The following PLXDC2 variants were observed in gnomAD, a reference collection of about 807,000 sequenced individuals.
PLXDC2 encodes plexin domain-containing protein 2.
A neutral mutation model predicts 68.9 loss-of-function variants in PLXDC2; 40 were observed. The observed-to-expected ratio is 0.58, with a 90% CI of 0.45 to 0.76. The LOEUF (loss-of-function observed/expected upper bound fraction) is 0.76, where lower values mean the gene tolerates loss of function less well. Ranked by LOEUF, PLXDC2 falls within the 30% of genes least tolerant of loss-of-function variation. PLXDC2 has a pLI of 0.00. For missense variants in PLXDC2, 644 were observed against 661.9 expected (o/e 0.97, Z 0.30); for synonymous variants, 243 against 234.2 (o/e 1.04, Z -0.34).
chr10:20,233,018 G>A, intron 12 of PLXDC2, among the ~76,000 whole-genome samples: 1 of 151,936 alleles, frequency 6.6e-6, no homozygotes, highest in South Asian at 2.1e-4. Flanking sequence ...AAAGCCAAAT[G>A]ATAATAATAA....
In PLXDC2 at chr10:20,165,165, G is replaced by T. The variant is rs367826018; in HGVS notation, c.883+598G>T. Reference sequence around the variant, plus strand: ...TGGCAGATACAGTTCTTTTATTAATGAGAATGACATAAAACAGTGACAGAT... The same window carrying T: ...TGGCAGATACAGTTCTTTTATTAATTAGAATGACATAAAACAGTGACAGAT... On this transcript the variant is annotated intron_variant, in intron 7 of 13. Transcript: ENST00000377252. Among the ~76,000 whole-genome samples, 18 of 152,204 alleles carry T rather than the reference G, an allele frequency of 1.2e-4. No homozygotes were observed. The East Asian group carries it at 2.1e-3, about 18-fold the overall frequency.
At chr10:19,933,978 CT>C (rs1833683873) in intron 1 of PLXDC2, among the ~76,000 whole-genome samples, 1 of 151,978 alleles carries the variant, frequency 6.6e-6, no homozygotes, top group Non-Finnish European at 1.5e-5. Flanking sequence ...TCATTTTTTC[CT>C]TTTTGTCAAT....
chr10:19,954,886 C>A (rs765204528), intron 1 of PLXDC2, among the ~76,000 whole-genome samples: 22 of 152,088 alleles, frequency 1.4e-4, no homozygotes, highest in Non-Finnish European at 2.8e-4. Flanking sequence ...GCACTCTTGC[C>A]CCCCCATCCC....
chr10:19,937,380 A>C (rs1211635022), intron 1 of PLXDC2, among the ~76,000 whole-genome samples: 1 of 151,718 alleles, frequency 6.6e-6, no homozygotes, highest in Non-Finnish European at 1.5e-5. Context: ...ACCTGTACTC[A>C]ATTTTAAGGG....
chr10:20,062,126 G>C (rs1246436523), intron 3 of PLXDC2, among the ~76,000 whole-genome samples: 1 of 152,096 alleles, frequency 6.6e-6, no homozygotes, highest in African/African-American at 2.4e-5. Flanking sequence ...ACTTTAAAAG[G>C]CTTTAAAAGG....
intron 12 of PLXDC2, among the ~76,000 whole-genome samples, chr10:20,224,025 A>T (rs1296678773): frequency 6.9e-6 from 1 of 144,986 alleles, no homozygotes; most frequent in East Asian, 2.1e-4. Context: ...CCCAGGCTGG[A>T]GTGCAGTGGT....
intron 13 of PLXDC2, among the ~76,000 whole-genome samples, chr10:20,251,885 T>G (rs1174019599): frequency 1.3e-5 from 2 of 151,738 alleles, no homozygotes; most frequent in Non-Finnish European, 2.9e-5. Context: ...GATAAGAACC[T>G]CATGATAAAA....
At chr10:20,273,879 T>G (rs982961810) in intron 13 of PLXDC2, among the ~76,000 whole-genome samples, 2 of 151,854 alleles carry the variant, frequency 1.3e-5, no homozygotes, top group African/African-American at 4.8e-5. Context: ...CAAATAAAAG[T>G]TTAAAAAATA....
chr10:20,113,747 A>G (rs1833587197), intron 4 of PLXDC2, among the ~76,000 whole-genome samples: 1 of 152,286 alleles, frequency 6.6e-6, no homozygotes, highest in East Asian at 1.9e-4. Flanking sequence ...TGATTTTGCC[A>G]TGTACCCTTC....
intron 13 of PLXDC2, among the ~76,000 whole-genome samples, chr10:20,271,132 G>GACACACACAT (rs1835934557): frequency 1.0e-5 from 1 of 97,750 alleles, no homozygotes; most frequent in South Asian, 4.1e-4. Flanking sequence ...ACAAAAAACA[G>GACACACACAT]ACACACACAC....
At chr10:20,095,227 G>T (rs1244063109) in intron 4 of PLXDC2, among the ~76,000 whole-genome samples, 1 of 151,970 alleles carries the variant, frequency 6.6e-6, no homozygotes, top group East Asian at 1.9e-4. Flanking sequence ...TATGCTAAAA[G>T]CATGTCAGTT....
intron 6 of PLXDC2, among the ~76,000 whole-genome samples, chr10:20,152,501 A>G (rs1453000364): frequency 6.6e-6 from 1 of 152,144 alleles, no homozygotes; most frequent in Non-Finnish European, 1.5e-5. Context: ...AACTTCAAAG[A>G]TAGAGTTTGC....
chr10:20,225,982 T>A (rs11011889), intron 12 of PLXDC2, among the ~76,000 whole-genome samples: 67,762 of 152,082 alleles, frequency 0.45, 17,323 homozygotes, highest in Middle Eastern at 0.64. Context: ...CATTACATTT[T>A]TTACAAGCAC....
intron 1 of PLXDC2, among the ~76,000 whole-genome samples, chr10:19,922,968 CTT>C (rs1194510709): frequency 2.0e-5 from 3 of 152,034 alleles, no homozygotes; most frequent in Non-Finnish European, 4.4e-5. Context: ...AATTTTGAGA[CTT>C]TTGTGATTTC....
chr10:20,070,724 T>C (rs1432294211), intron 4 of PLXDC2: 5 of 152,194 alleles, frequency 3.3e-5, no homozygotes, highest in Admixed American at 6.5e-5. Context: ...CAGTGTTCTA[T>C]TGAATTTTTC....
At position 20,072,493 on chromosome 10, in the gene PLXDC2, GAGAAAGAAAGAA is replaced by G. The variant is rs55848042; in HGVS notation, c.541+4304_541+4315del. 1.2e-3 allele frequency among the ~76,000 whole-genome samples: 93 copies of G among 80,776 alleles called. 1 individual carries two copies. Among genetic ancestry groups the G allele is most frequent in the Middle Eastern group, 5.5e-3 (1 of 182 alleles). 53.0% of individuals were successfully genotyped at this position (80,776 alleles called of 152,430 possible). On this transcript the variant is annotated intron_variant, in intron 4 of 13. Transcript: ENST00000377252. ...AAGAAAGAAGGAACAAAGAAAGAAA[GAGAAAGAAAGAA>G]AGAAAGAAAGAAAGAAAGAAAGAAA...
intron 1 of PLXDC2, among the ~76,000 whole-genome samples, chr10:19,933,819 A>AAGGAGGGAAGGAAGGAAGGAGGGG (rs1833679837): frequency 7.5e-6 from 1 of 132,988 alleles, no homozygotes; most frequent in African/African-American, 2.7e-5. Context: ...GGAAAAAAGG[A>AAGGAGGGAAGGAAGGAAGGAGGGG]AGGAGGGAAG....
chr10:20,279,647 T>C (rs542455925), intron 13 of PLXDC2, 56 bp from the exon 14 acceptor site: 1 of 1,336,162 alleles, frequency 7.5e-7, no homozygotes, highest in African/African-American at 1.5e-5. Flanking sequence ...TAGATTTTTC[T>C]GGTGCTAGAA....
At chr10:20,172,230 GA>G (rs571463676) in intron 7 of PLXDC2, among the ~76,000 whole-genome samples, 135 of 110,592 alleles carry the variant, frequency 1.2e-3, no homozygotes, top group Middle Eastern at 4.8e-3. Flanking sequence ...TTGTGAAAAG[GA>G]AAAAAAAAAA....
Sources: gnomAD v4.1 joint callset for allele counts (sites outside exome capture counted in the v4.1 genomes callset) on GRCh38, gnomAD v4.1.1 for gene constraint, MANE v1.5 for transcripts, NCBI Gene and HGNC (gene_info 2026-07-23, HGNC 2026-07-21) for gene names.